The following BNIP2 variants were observed in gnomAD, a reference collection of about 807,000 sequenced individuals.
The protein encoded by BNIP2 is BCL2/adenovirus E1B 19 kDa protein-interacting protein 2.
BNIP2 carries 36 observed loss-of-function variants against 43.4 expected under a neutral mutation model. That is an observed-to-expected ratio of 0.83 (90% CI 0.64 to 1.10). The LOEUF (loss-of-function observed/expected upper bound fraction) is 1.10. Among genes scored for constraint, BNIP2 ranks in the 50% least tolerant of loss-of-function variants. BNIP2 has a pLI of 0.00. For synonymous variants in BNIP2, 146 were observed against 121.0 expected, an observed-to-expected ratio of 1.21 and a Z score of -1.35; for missense variants, 417 against 374.1, an observed-to-expected ratio of 1.11 and a Z score of -0.95.
chr15:59,668,081 C>G, intron 9 of BNIP2: 2 of 1,292,882 alleles, frequency 1.5e-6, no homozygotes, highest in Non-Finnish European at 2.0e-6. Flanking sequence ...CTAGATGCAA[C>G]CCAGTCAAGG....
At position 59,689,145 on chromosome 15, in the gene BNIP2, G is replaced by A; in HGVS notation, c.-68C>T. On this transcript the variant is annotated 5_prime_UTR_variant, in exon 1 of 10. Coordinates refer to ENST00000607373, the MANE Select transcript of BNIP2 (RefSeq NM_004330.4). ...CCAGGCCGCACTCACCCCGGAGGAA[G>A]CCTTGGCCCCCTCGTCCTCTTCGCC... The A allele has an allele frequency of 1.3e-6, 2 of 1,537,252 alleles. No individual in the cohort carries two copies. Among genetic ancestry groups the A allele is most frequent in the Non-Finnish European group, 1.7e-6 (2 of 1,146,362 alleles).
chr15:59,686,640 T>C (rs6151455), intron 1 of BNIP2, among the ~76,000 whole-genome samples: 156 of 152,350 alleles, frequency 1.0e-3, no homozygotes, highest in African/African-American at 3.6e-3. Context: ...TCACCAAACA[T>C]GCTTGAAAAA....
At chr15:59,671,464 T>C (rs1294719164) in intron 6 of BNIP2, 150 bp from the exon 7 acceptor site, 2 of 581,928 alleles carry the variant, frequency 3.4e-6, no homozygotes, top group African/African-American at 1.9e-5. Flanking sequence ...AGTATTACGA[T>C]TATCTTATTT....
chr15:59,670,891 T>C (rs978889472), intron 7 of BNIP2, among the ~76,000 whole-genome samples: 5 of 152,044 alleles, frequency 3.3e-5, no homozygotes, highest in Non-Finnish European at 5.9e-5. Flanking sequence ...CTGACCAACA[T>C]GGAGAAACCC....
At chr15:59,668,508 A>G (rs1302204143) in intron 9 of BNIP2, among the ~76,000 whole-genome samples, 2 of 152,240 alleles carry the variant, frequency 1.3e-5, no homozygotes, top group Non-Finnish European at 2.9e-5. Flanking sequence ...ATTTAGCAAT[A>G]TGATTATTCA....
At chr15:59,686,149 T>C (rs1462377146) in intron 1 of BNIP2, among the ~76,000 whole-genome samples, 1 of 152,178 alleles carries the variant, frequency 6.6e-6, no homozygotes, top group East Asian at 1.9e-4. Flanking sequence ...AAGAGATAAT[T>C]GATTCCTTCT....
At position 59,668,046 on chromosome 15, in the gene BNIP2, T is replaced by C. The variant is rs2141990106; in HGVS notation, c.893+846A>G. On this transcript the variant is annotated intron_variant, in intron 9 of 9. Coordinates refer to ENST00000607373, the MANE Select transcript of BNIP2 (RefSeq NM_004330.4). The stretch of plus-strand genomic sequence containing the variant: ...AGCTAACCAACCAATAAGGAAGAGT[T>C]AGTCTGCAATGCAAATGGACTAGTC... 5.3e-6 allele frequency: 6 copies of C among 1,133,486 alleles called. No homozygotes were observed. The South Asian group carries it at 5.6e-5, about 11-fold the overall frequency. The allele number at this position is 1,133,486 out of a possible 1,614,324, so 70.2% of individuals were successfully genotyped here.
intron 5 of BNIP2, among the ~76,000 whole-genome samples, chr15:59,675,528 T>C (rs760061035): frequency 7.9e-5 from 12 of 151,872 alleles, no homozygotes; most frequent in Non-Finnish European, 1.3e-4. Flanking sequence ...GAGAATCCCT[T>C]GAACCGAGGA....
chr15:59,672,808 T>A, intron 5 of BNIP2, 69 bp from the exon 6 acceptor site: 1 of 1,061,816 alleles, frequency 9.4e-7, no homozygotes, highest in Non-Finnish European at 1.4e-6. Context: ...AAGACATCTG[T>A]ATGATTAGTA....
intron 5 of BNIP2, among the ~76,000 whole-genome samples, chr15:59,674,935 G>A (rs1893173767): frequency 6.6e-6 from 1 of 152,154 alleles, no homozygotes; most frequent in Non-Finnish European, 1.5e-5. Flanking sequence ...ATAGAAGTGT[G>A]GAGTGAACTA....
intron 2 of BNIP2, among the ~76,000 whole-genome samples, chr15:59,681,586 C>A (rs1893676071): frequency 6.6e-6 from 1 of 151,928 alleles, no homozygotes; most frequent in African/African-American, 2.4e-5. Flanking sequence ...GCAGCTGGGA[C>A]TACAGGCGAG....
intron 5 of BNIP2, chr15:59,677,289 G>C: frequency 2.5e-6 from 4 of 1,585,804 alleles, no homozygotes; most frequent in Non-Finnish European, 3.4e-6. Context: ...GGGGATCCTG[G>C]CACACCAGAA....
At chr15:59,678,904 T>C in intron 4 of BNIP2, 2 of 1,281,250 alleles carry the variant, frequency 1.6e-6, no homozygotes, top group East Asian at 5.6e-5. Flanking sequence ...CTTTACAAAG[T>C]ATTGCTTACT....
At chr15:59,670,328 G>A (rs1892820256) in intron 7 of BNIP2, among the ~76,000 whole-genome samples, 1 of 152,186 alleles carries the variant, frequency 6.6e-6, no homozygotes, top group Non-Finnish European at 1.5e-5. Context: ...CTACCTGGGA[G>A]GCTGAGGTGG....
Position 59,689,224 on chromosome 15 carries a change from GC to G in BNIP2, c.-148del. On this transcript the variant is annotated 5_prime_UTR_variant, in exon 1 of 10. Transcript: ENST00000607373. ...GCCAGGTCGCAAAAAGCAGGGCCGA[GC>G]GGAGCCCGCTCCCCTCGGTCGGCGG... The G allele has an allele frequency of 6.5e-7, 1 of 1,541,272 alleles. No individual in the cohort carries two copies. The highest frequency in any genetic ancestry group is 8.7e-7 in the Non-Finnish European group (1 of 1,146,318).
Position 59,669,317 on chromosome 15 carries a change from C to T in BNIP2, c.753G>A (p.Trp251Ter). The change falls in exon 8 of 10, where the codon TGG becomes TGA. Residue 251 changes from tryptophan (W) to a stop codon, truncating the protein, a stop_gained. Coordinates refer to ENST00000607373, the MANE Select transcript of BNIP2 (RefSeq NM_004330.4). LOFTEE classifies it high-confidence loss of function. The stretch of plus-strand genomic sequence containing the variant: ...TAACAGCCAGAAGTGTTCTGATAAA[C>T]CAAGAAGGATGTACAATGATTAGGG... ...LKSLIIVHPS[W>*]FIRTLLAVTR... is the part of the protein sequence containing the mutation. 1 of 1,550,968 alleles carries T rather than the reference C, an allele frequency of 6.4e-7. No individual in the cohort carries two copies. Among genetic ancestry groups the T allele is most frequent in the African/African-American group, 1.4e-5 (1 of 71,602 alleles).
intron 9 of BNIP2, among the ~76,000 whole-genome samples, chr15:59,666,624 G>C (rs1432604461): frequency 6.6e-6 from 1 of 152,056 alleles, no homozygotes; most frequent in Admixed American, 6.6e-5. Context: ...CTGAGACTGG[G>C]CCATTGCACT....
chr15:59,684,247 G>GA (rs1893878026), intron 1 of BNIP2, among the ~76,000 whole-genome samples: 1 of 151,864 alleles, frequency 6.6e-6, no homozygotes, highest in Non-Finnish European at 1.5e-5. Flanking sequence ...TGTTACCACA[G>GA]AAAAAAAATG....
chr15:59,677,684 G>C, intron 5 of BNIP2: 3 of 1,184,696 alleles, frequency 2.5e-6, no homozygotes, highest in African/African-American at 1.6e-5. Context: ...CAGATGTCTT[G>C]AGAAAGCTAT....
Sources: allele counts gnomAD v4.1 joint callset (sites outside exome capture counted in the v4.1 genomes callset), GRCh38; gene constraint gnomAD v4.1.1; transcripts MANE v1.5; gene names NCBI Gene and HGNC (gene_info 2026-07-23, HGNC 2026-07-21).